Variants in TENM2 observed in about 807,000 individuals in gnomAD.
The protein encoded by TENM2 is teneurin transmembrane protein 2, also known as teneurin-2.
In TENM2, 52 loss-of-function variants were observed where a neutral mutation model predicts 245.2. The ratio of observed to expected loss-of-function variants is 0.21; its 90% CI spans 0.17 to 0.27. TENM2 has a LOEUF of 0.27. Among genes scored for constraint, TENM2 ranks in the 10% least tolerant of loss-of-function variants. TENM2 has a pLI of 1.00. For synonymous variants in TENM2, 1,363 were observed against 1,438.9 expected (o/e 0.95, Z 1.19); for missense variants, 3,046 against 3,666.8 (o/e 0.83, Z 4.37).
intron 2 of TENM2, among the ~76,000 whole-genome samples, chr5:167,624,339 G>A (rs964254959): frequency 3.9e-5 from 6 of 152,118 alleles, no homozygotes; most frequent in South Asian, 2.1e-4. Context: ...AATATTGCAT[G>A]TTCTTATTGA....
At chr5:168,210,161 G>C (rs1700776277) in intron 19 of TENM2, among the ~76,000 whole-genome samples, 1 of 152,068 alleles carries the variant, frequency 6.6e-6, no homozygotes, top group African/African-American at 2.4e-5. Context: ...CTGGTTTGTT[G>C]CCTGCTAAGC....
intron 19 of TENM2, among the ~76,000 whole-genome samples, chr5:168,211,046 G>A (rs1214745147): frequency 2.0e-5 from 3 of 152,178 alleles, no homozygotes; most frequent in Non-Finnish European, 4.4e-5. Flanking sequence ...ATTTATGGAC[G>A]TTATTGCAAT....
the TENM2 span, among the ~76,000 whole-genome samples, chr5:167,238,551 C>A: frequency 1.1e-4 from 16 of 152,132 alleles, no homozygotes; most frequent in Non-Finnish European, 2.4e-4. Flanking sequence ...ATTGTGAGTT[C>A]TACAGCCTCT....
At chr5:167,064,239 G>A in the TENM2 span, among the ~76,000 whole-genome samples, 1 of 152,174 alleles carries the variant, frequency 6.6e-6, no homozygotes, top group Non-Finnish European at 1.5e-5. Flanking sequence ...GAGTAAAATC[G>A]CCGTTTTCTA....
At chr5:167,867,952 C>G (rs1772469397) in intron 2 of TENM2, among the ~76,000 whole-genome samples, 1 of 152,150 alleles carries the variant, frequency 6.6e-6, no homozygotes, top group African/African-American at 2.4e-5. Context: ...TTGCTGTTTT[C>G]TTGGGTAGGG....
rs1763705708 is a variant in TENM2, at chr5:167,775,503, T to C, written c.503-100483T>C. 2.6e-5 allele frequency among the ~76,000 whole-genome samples: 4 copies of C among 152,390 alleles called. No homozygotes were observed. In the South Asian group the frequency reaches 8.3e-4, roughly 32 times the overall value. ...AGGACTCACTTTTGGGTGTTGACTC[T>C]TATTCTGCCTTCTGTGACAAACACC... is the stretch of plus-strand genomic sequence containing the variant. On this transcript the variant is annotated intron_variant, in intron 2 of 28. Transcript: ENST00000518659.
At chr5:166,979,194 C>CCACCAGCAGCAG in the TENM2 span, among the ~76,000 whole-genome samples, 81 of 142,132 alleles carry the variant, frequency 5.7e-4, no homozygotes, top group African/African-American at 1.5e-3. Context: ...AGCACCACCA[C>CCACCAGCAGCAG]CAGCAGCAGC....
intron 25 of TENM2, among the ~76,000 whole-genome samples, chr5:168,231,381 T>C (rs76672628): frequency 0.014 from 2,194 of 152,236 alleles, 37 homozygotes; most frequent in East Asian, 0.06. Context: ...GGACAAAGAA[T>C]GTCGCCAGTG....
intron 3 of TENM2, among the ~76,000 whole-genome samples, chr5:167,922,327 G>A (rs1219867963): frequency 6.6e-6 from 1 of 152,012 alleles, no homozygotes; most frequent in Non-Finnish European, 1.5e-5. Context: ...TCAGTAGCTG[G>A]GTCTTGAGCA....
intron 2 of TENM2, among the ~76,000 whole-genome samples, chr5:167,399,590 C>A (rs2127383053): frequency 6.6e-6 from 1 of 152,268 alleles, no homozygotes; most frequent in South Asian, 2.1e-4. Flanking sequence ...AAGCACATTT[C>A]TTTGGAATGA....
At chr5:167,909,638 G>C (rs537097792) in intron 3 of TENM2, among the ~76,000 whole-genome samples, 3 of 152,264 alleles carry the variant, frequency 2.0e-5, no homozygotes, top group East Asian at 3.9e-4. Context: ...CATTTGCAAA[G>C]ATTAGAAATC....
At chr5:167,244,795 C>A in the TENM2 span, among the ~76,000 whole-genome samples, 5 of 152,088 alleles carry the variant, frequency 3.3e-5, no homozygotes, top group African/African-American at 9.7e-5. Context: ...GAGTGTGGCA[C>A]CTCATCACTT....
At chr5:167,036,768 A>T in the TENM2 span, among the ~76,000 whole-genome samples, 2 of 152,092 alleles carry the variant, frequency 1.3e-5, no homozygotes, top group African/African-American at 4.8e-5. Context: ...AATCAGTTGA[A>T]TTTGCTTTTA....
At chr5:167,520,331 A>G (rs981918760) in intron 2 of TENM2, among the ~76,000 whole-genome samples, 1 of 152,174 alleles carries the variant, frequency 6.6e-6, no homozygotes, top group African/African-American at 2.4e-5. Flanking sequence ...GCAGGAAGTA[A>G]AGAGATATCT....
chr5:167,549,589 GTC>G (rs890835249), intron 2 of TENM2, among the ~76,000 whole-genome samples: 2 of 152,210 alleles, frequency 1.3e-5, no homozygotes, highest in African/African-American at 4.8e-5. Context: ...GACCTAAAGT[GTC>G]CCTCTTCAGA....
chr5:167,264,982 A>G, the TENM2 span, among the ~76,000 whole-genome samples: 1 of 152,076 alleles, frequency 6.6e-6, no homozygotes, highest in Non-Finnish European at 1.5e-5. Flanking sequence ...TCAAATATAG[A>G]GCAAAAATAT....
chr5:167,878,976 C>A (rs1018319692), intron 3 of TENM2, among the ~76,000 whole-genome samples: 1 of 152,142 alleles, frequency 6.6e-6, no homozygotes, highest in African/African-American at 2.4e-5. Flanking sequence ...AGCCCATACA[C>A]GACAGTAAAA....
chr5:167,335,696 C>A (rs1757713615), intron 1 of TENM2, among the ~76,000 whole-genome samples: 1 of 152,152 alleles, frequency 6.6e-6, no homozygotes, highest in Non-Finnish European at 1.5e-5. Context: ...CTTAGAGGTT[C>A]AGCCAAGTTC....
intron 1 of TENM2, among the ~76,000 whole-genome samples, chr5:167,337,942 A>C (rs563528478): frequency 6.6e-6 from 1 of 152,338 alleles, no homozygotes; most frequent in South Asian, 2.1e-4. Flanking sequence ...GTGTTAAACA[A>C]GGTTAGGTAA....
Sources: allele counts gnomAD v4.1 joint callset (sites outside exome capture counted in the v4.1 genomes callset), GRCh38; gene constraint gnomAD v4.1.1; transcripts MANE v1.5; gene names NCBI Gene and HGNC (gene_info 2026-07-23, HGNC 2026-07-21).